The following OSTF1 variants were observed in gnomAD, a reference collection of about 807,000 sequenced individuals.
OSTF1 encodes the protein osteoclast stimulating factor 1, also known as osteoclast-stimulating factor 1.
Under a neutral mutation model 37.2 loss-of-function variants are expected in OSTF1, and 27 were observed. That is an observed-to-expected ratio of 0.73 (90% CI 0.54 to 1.00). The LOEUF (loss-of-function observed/expected upper bound fraction) is 1.00, where lower values mean the gene tolerates loss of function less well. Among genes scored for constraint, OSTF1 ranks in the 50% least tolerant of loss-of-function variants. The probability of loss-of-function intolerance (pLI) is 0.00; values close to 1 mark genes in which losing one functional copy is unlikely to be tolerated. For synonymous variants in OSTF1, 82 were observed against 89.2 expected, an observed-to-expected ratio of 0.92 and a Z score of 0.46; for missense variants, 232 against 253.8, an observed-to-expected ratio of 0.91 and a Z score of 0.58.
rs749343587 is a variant in OSTF1, at chr9:75,117,550, T to A, written c.81T>A (p.Thr27=). Reference sequence around the variant, plus strand: ...CCCTGTATACGTTTGAACCCAGAACTGTAAGTGTTCAGTTTTTAACTTCTA... The same window carrying A: ...CCCTGTATACGTTTGAACCCAGAACAGTAAGTGTTCAGTTTTTAACTTCTA... ...FRALYTFEPR[T]PDELYFEEGD... Residue 27 remains threonine, a splice_region_variant and synonymous_variant, in exon 2 of 10, where the codon ACT becomes ACA. Coordinates refer to ENST00000346234, the MANE Select transcript of OSTF1 (RefSeq NM_012383.5). The A allele has an allele frequency of 1.9e-5, 31 of 1,602,556 alleles. No individual in the cohort carries two copies. Among genetic ancestry groups the A allele is most frequent in the Non-Finnish European group, 2.6e-5 (31 of 1,170,362 alleles).
intron 2 of OSTF1, among the ~76,000 whole-genome samples, chr9:75,126,833 C>T (rs1013524647): frequency 1.1e-4 from 17 of 152,164 alleles, no homozygotes; most frequent in African/African-American, 4.1e-4. Context: ...CCTTGTGAAC[C>T]ACCTGCCTTG....
chr9:75,142,366 G>A (rs1221937415), intron 9 of OSTF1, among the ~76,000 whole-genome samples: 2 of 152,082 alleles, frequency 1.3e-5, no homozygotes, highest in Non-Finnish European at 2.9e-5. Flanking sequence ...GATTGGGTCA[G>A]GAAGTAGGAG....
intron 2 of OSTF1, among the ~76,000 whole-genome samples, chr9:75,124,048 A>C (rs965417419): frequency 1.3e-5 from 2 of 152,240 alleles, no homozygotes; most frequent in African/African-American, 4.8e-5. Context: ...CTTGAAAGAC[A>C]TTAAGAGTTT....
intron 1 of OSTF1, among the ~76,000 whole-genome samples, chr9:75,103,217 A>G (rs1017494051): frequency 6.6e-6 from 1 of 152,322 alleles, no homozygotes. Flanking sequence ...TAGGAGTTCA[A>G]GATTACAGCA....
At chr9:75,096,351 A>C (rs1825086095) in intron 1 of OSTF1, among the ~76,000 whole-genome samples, 1 of 152,232 alleles carries the variant, frequency 6.6e-6, no homozygotes, top group South Asian at 2.1e-4. Flanking sequence ...GGAATTTAAA[A>C]GTCTTTAGCA....
Position 75,127,586 on chromosome 9 carries a change from T to C in OSTF1, c.99T>C (p.Phe33=), listed in dbSNP as rs551625630. 5 of 1,582,710 alleles carry C rather than the reference T, an allele frequency of 3.2e-6. No individual in the cohort carries two copies. Among genetic ancestry groups the C allele is most frequent in the Non-Finnish European group, 4.3e-6 (5 of 1,161,270 alleles). Residue 33 remains phenylalanine, a synonymous_variant, in exon 3 of 10, where the codon TTT becomes TTC. Transcript: ENST00000346234. ...TCTTCTAGCCAGATGAATTATACTT[T>C]GAGGAAGGTGATATTATCTACATTA... is the stretch of plus-strand genomic sequence containing the variant. The part of the protein sequence containing the change: ...FEPRTPDELY[F]EEGDIIYITD...
intron 2 of OSTF1, among the ~76,000 whole-genome samples, chr9:75,127,355 A>T (rs775951096): frequency 2.0e-5 from 3 of 152,188 alleles, no homozygotes; most frequent in Non-Finnish European, 4.4e-5. Flanking sequence ...GAGAATCTTT[A>T]TATATGTAAT....
chr9:75,088,742 TAGG>T lies in OSTF1; in HGVS notation c.34+17_34+19del. On this transcript the variant is annotated intron_variant, in intron 1 of 9. Coordinates refer to ENST00000346234, the MANE Select transcript of OSTF1 (RefSeq NM_012383.5). ...GTCAAACCAGGTGAGGGAGGTAAGG[TAGG>T]CGCTTGCCAGGTCCTGCGACCGCCG... The T allele has an allele frequency of 6.2e-7, 1 of 1,602,670 alleles. No homozygotes were observed. The highest frequency in any genetic ancestry group is 8.5e-7 in the Non-Finnish European group (1 of 1,174,314).
At chr9:75,132,651 A>T (rs968557300) in intron 5 of OSTF1, among the ~76,000 whole-genome samples, 8 of 152,160 alleles carry the variant, frequency 5.3e-5, no homozygotes, top group Non-Finnish European at 1.2e-4. Context: ...TTCCATTTTT[A>T]GATTTTTTTG....
At chr9:75,138,623 AT>A (rs1406070944) in intron 8 of OSTF1, among the ~76,000 whole-genome samples, 38 of 152,256 alleles carry the variant, frequency 2.5e-4, no homozygotes, top group African/African-American at 8.7e-4. Flanking sequence ...GTTAAATAAA[AT>A]ATATAATTAA....
chr9:75,137,954 C>T (rs1825869477), intron 8 of OSTF1, among the ~76,000 whole-genome samples: 1 of 152,132 alleles, frequency 6.6e-6, no homozygotes, highest in Admixed American at 6.6e-5. Context: ...TCTGAGAAAG[C>T]TGTATAGGTA....
Position 75,146,726 on chromosome 9 carries a change from T to G in OSTF1, c.630T>G (p.Asp210Glu). 6.2e-7 allele frequency: 1 copy of G among 1,608,176 alleles called. No homozygotes were observed. Among genetic ancestry groups the G allele is most frequent in the Non-Finnish European group, 8.5e-7 (1 of 1,176,272 alleles). Reference protein sequence around the residue: ...TLSNAEDYLDDEDSD With the variant: ...TLSNAEDYLDEEDSD ...GCAATGCCGAGGACTATCTCGATGA[T>G]GAAGACTCAGATTAATTCCTTTCTG... The change falls in exon 10 of 10, where the codon GAT becomes GAG. Residue 210 changes from aspartate (D) to glutamate (E), a missense_variant. Coordinates refer to ENST00000346234, the MANE Select transcript of OSTF1 (RefSeq NM_012383.5).
chr9:75,115,515 C>T (rs1323804018), intron 1 of OSTF1, among the ~76,000 whole-genome samples: 1 of 152,154 alleles, frequency 6.6e-6, no homozygotes, highest in Non-Finnish European at 1.5e-5. Flanking sequence ...GTCTCGAACA[C>T]CTGACCTCAA....
chr9:75,126,027 A>G (rs1285010967), intron 2 of OSTF1, among the ~76,000 whole-genome samples: 1 of 152,090 alleles, frequency 6.6e-6, no homozygotes, highest in African/African-American at 2.4e-5. Context: ...CTCAAGTCTC[A>G]GCCTCCCGAA....
intron 7 of OSTF1, among the ~76,000 whole-genome samples, chr9:75,135,883 C>T (rs1825835063): frequency 6.6e-6 from 1 of 152,200 alleles, no homozygotes; most frequent in Non-Finnish European, 1.5e-5. Flanking sequence ...GGCCACCCCT[C>T]TCTGTAGACA....
chr9:75,118,371 T>C (rs1825525329), intron 2 of OSTF1, among the ~76,000 whole-genome samples: 1 of 152,070 alleles, frequency 6.6e-6, no homozygotes, highest in Admixed American at 6.6e-5. Flanking sequence ...GTTGCAAACA[T>C]GGGAGAGGGT....
intron 9 of OSTF1, among the ~76,000 whole-genome samples, chr9:75,142,514 C>G (rs1214731149): frequency 6.6e-6 from 1 of 152,072 alleles, no homozygotes; most frequent in Non-Finnish European, 1.5e-5. Context: ...TTTTGATAGA[C>G]AAGGCATATA....
intron 2 of OSTF1, among the ~76,000 whole-genome samples, chr9:75,123,430 A>AAAAAAAC (rs535976340): frequency 6.6e-6 from 1 of 152,146 alleles, no homozygotes; most frequent in Non-Finnish European, 1.5e-5. Context: ...TCAAAAAAAC[A>AAAAAAAC]AAAAAACAAA....
chr9:75,121,861 C>T (rs546499201), intron 2 of OSTF1, among the ~76,000 whole-genome samples: 2 of 152,290 alleles, frequency 1.3e-5, no homozygotes, highest in East Asian at 3.9e-4. Flanking sequence ...AGGGACATTG[C>T]TGGCATGTGC....
Sources: gnomAD v4.1 joint callset for allele counts (sites outside exome capture counted in the v4.1 genomes callset) on GRCh38, gnomAD v4.1.1 for gene constraint, MANE v1.5 for transcripts, NCBI Gene and HGNC (gene_info 2026-07-23, HGNC 2026-07-21) for gene names.